Variants in JUP observed in about 807,000 individuals in gnomAD.
JUP encodes catenin (cadherin-associated protein), gamma 80kDa.
Under a neutral mutation model 71.1 loss-of-function variants are expected in JUP, and 28 were observed. That is an observed-to-expected ratio of 0.39 (90% CI 0.29 to 0.54). JUP has a LOEUF of 0.54. JUP is among the 20% of genes least tolerant of loss of function. JUP has a pLI of 0.62. For missense variants in JUP, 869 were observed against 1,030.1 expected, an observed-to-expected ratio of 0.84 and a Z score of 2.14; for synonymous variants, 401 against 438.9, an observed-to-expected ratio of 0.91 and a Z score of 1.08.
At chr17:41,775,367 AG>A (rs1230763436) in intron 1 of JUP, among the ~76,000 whole-genome samples, 3 of 152,228 alleles carry the variant, frequency 2.0e-5, no homozygotes, top group Non-Finnish European at 2.9e-5. Context: ...GCTGGAAGTC[AG>A]ACCTCAGGCA....
chr17:41,784,173 G>T (rs1567836947), intron 1 of JUP, among the ~76,000 whole-genome samples: 1 of 152,068 alleles, frequency 6.6e-6, no homozygotes, highest in Non-Finnish European at 1.5e-5. Context: ...TCACTCTAAG[G>T]TGGCTCCAGG....
intron 7 of JUP, 95 bp from the exon 8 acceptor site, chr17:41,763,416 G>T (rs1915212708): frequency 2.3e-6 from 2 of 866,080 alleles, no homozygotes; most frequent in South Asian, 3.0e-5. Flanking sequence ...ACCTAAAGGG[G>T]TCAGCCCTGC....
intron 1 of JUP, among the ~76,000 whole-genome samples, chr17:41,778,687 G>A (rs966145735): frequency 4.8e-4 from 73 of 151,978 alleles, no homozygotes; most frequent in South Asian, 1.5e-3. Context: ...CGAGGCGGGC[G>A]GATCACGAGG....
In JUP at chr17:41,763,307, A is replaced by T; in HGVS notation, c.1173T>A (p.Ser391Arg). ...GCTGATTCACCAGAATCTTCAGCAC[A>T]CTCTCCAGGCCCTCCTGGAGGGCAA... The part of the protein sequence containing the change: ...DVATKQEGLE[S>R]VLKILVNQLS... Residue 391 changes from serine (S) to arginine (R), a missense_variant, in exon 8 of 14, where the codon AGT becomes AGA. Coordinates refer to ENST00000393931, the MANE Select transcript of JUP (RefSeq NM_002230.4). 1 of 1,613,770 alleles carries T rather than the reference A, an allele frequency of 6.2e-7. No homozygotes were observed. Among genetic ancestry groups the T allele is most frequent in the Non-Finnish European group, 8.5e-7 (1 of 1,179,882 alleles).
chr17:41,769,243 T>C, intron 3 of JUP, 36 bp from the exon 4 acceptor site: 1 of 1,587,468 alleles, frequency 6.3e-7, no homozygotes, highest in East Asian at 2.2e-5. Context: ...ACGTGAGCAC[T>C]AAGGAGAGGC....
rs529299934 is a variant in JUP at position 41,779,627 on chromosome 17, C to T, written c.-9+6961G>A. 5.3e-4 allele frequency among the ~76,000 whole-genome samples: 80 copies of T among 151,832 alleles called. 1 individual carries two copies. Among genetic ancestry groups the T allele is most frequent in the Middle Eastern group, 3.4e-3 (1 of 290 alleles). Reference sequence around the variant, plus strand: ...ACAGGCGTGAGCCACCGCGGCTGGCCCCCAGTTTTTTTTACAATGATCAGA... The same window carrying T: ...ACAGGCGTGAGCCACCGCGGCTGGCTCCCAGTTTTTTTTACAATGATCAGA... On this transcript the variant is annotated intron_variant, in intron 1 of 13. Coordinates refer to ENST00000393931, the MANE Select transcript of JUP (RefSeq NM_002230.4).
intron 5 of JUP, among the ~76,000 whole-genome samples, chr17:41,765,977 T>G (rs1260721282): frequency 1.3e-5 from 2 of 152,192 alleles, no homozygotes; most frequent in African/African-American, 4.8e-5. Flanking sequence ...ATCTGTAGGC[T>G]GGGTATGGTG....
intron 5 of JUP, among the ~76,000 whole-genome samples, chr17:41,766,990 T>C (rs1161577339): frequency 6.7e-6 from 1 of 149,726 alleles, no homozygotes; most frequent in Non-Finnish European, 1.5e-5. Flanking sequence ...AAGGCTGCAG[T>C]GAGCCCTGAT....
Position 41,755,695 on chromosome 17 carries a change from G to A in JUP, c.*49C>T. ...GGGCCTCCAACAGAAGGAGGTTCTA[G>A]AGAGGAGGAAAAGCCTGCAAAGAGG... On this transcript the variant is annotated 3_prime_UTR_variant, in exon 14 of 14. Coordinates refer to ENST00000393931, the MANE Select transcript of JUP (RefSeq NM_002230.4). 1 of 1,504,758 alleles carries A rather than the reference G, an allele frequency of 6.6e-7. No individual in the cohort carries two copies. Among genetic ancestry groups the A allele is most frequent in the Non-Finnish European group, 8.9e-7 (1 of 1,124,380 alleles). 93.2% of individuals were successfully genotyped at this position (1,504,758 alleles called of 1,614,324 possible). A position where few individuals can be genotyped will look rare whatever the true frequency, so the allele number is the denominator to read the frequency against.
intron 2 of JUP, among the ~76,000 whole-genome samples, chr17:41,771,251 C>G (rs1431481227): frequency 2.6e-5 from 4 of 152,164 alleles, no homozygotes; most frequent in Non-Finnish European, 5.9e-5. Context: ...AGGCTGGTCT[C>G]AAACTCCTGA....
At chr17:41,771,317 C>T in intron 2 of JUP, 1 of 377,190 alleles carries the variant, frequency 2.7e-6, no homozygotes, top group Non-Finnish European at 5.0e-6. Context: ...CAGGCATGAG[C>T]CACCGTACCC....
intron 1 of JUP, among the ~76,000 whole-genome samples, chr17:41,777,420 A>G (rs184764855): frequency 2.0e-4 from 31 of 152,336 alleles, no homozygotes; most frequent in Admixed American, 2.0e-3. Context: ...CAGACTCTAG[A>G]AAGTCCAGAG....
chr17:41,772,799 T>G, intron 1 of JUP: 1 of 985,388 alleles, frequency 1.0e-6, no homozygotes, highest in Non-Finnish European at 1.2e-6. Context: ...TCTCTCTCTC[T>G]GCAAAGGTTT....
chr17:41,775,316 C>T (rs2046829550), intron 1 of JUP, among the ~76,000 whole-genome samples: 2 of 152,190 alleles, frequency 1.3e-5, no homozygotes. Flanking sequence ...CAGAACTCCT[C>T]CTGAGGAAGG....
At chr17:41,772,644 A>G (rs1916845076) in intron 1 of JUP, among the ~76,000 whole-genome samples, 2 of 152,128 alleles carry the variant, frequency 1.3e-5, no homozygotes, top group South Asian at 4.1e-4. Flanking sequence ...GACCTGGTGC[A>G]TAGCAGGTGC....
At chr17:41,778,346 C>G (rs2046983053) in intron 1 of JUP, among the ~76,000 whole-genome samples, 1 of 152,138 alleles carries the variant, frequency 6.6e-6, no homozygotes, top group Non-Finnish European at 1.5e-5. Context: ...AGGTGAATCC[C>G]CTTGAGCTCA....
chr17:41,784,371 A>G (rs1182125722), intron 1 of JUP, among the ~76,000 whole-genome samples: 3 of 152,052 alleles, frequency 2.0e-5, no homozygotes. Context: ...CTAGCAAGAA[A>G]TGACTAACTG....
intron 1 of JUP, among the ~76,000 whole-genome samples, chr17:41,785,407 G>T (rs1555611528): frequency 2.0e-5 from 3 of 152,144 alleles, no homozygotes; most frequent in Non-Finnish European, 2.9e-5. Context: ...GTCCCAGGAG[G>T]CAGGAAGAGA....
chr17:41,785,887 A>ACT (rs34935224), intron 1 of JUP: 99,585 of 151,048 alleles, frequency 0.66, 32,902 homozygotes, highest in South Asian at 0.77. Context: ...TGCACCCCCC[A>ACT]GTCACTCCAT....
Sources: gnomAD v4.1 joint callset for allele counts (sites outside exome capture counted in the v4.1 genomes callset) on GRCh38, gnomAD v4.1.1 for gene constraint, MANE v1.5 for transcripts, NCBI Gene and HGNC (gene_info 2026-07-23, HGNC 2026-07-21) for gene names.